Variants in RSAD2 observed in about 807,000 individuals in gnomAD.
RSAD2 encodes the protein S-adenosylmethionine-dependent nucleotide dehydratase RSAD2.
A neutral mutation model predicts 37.7 loss-of-function variants in RSAD2; 38 were observed. The observed-to-expected ratio is 1.01, with a 90% CI of 0.78 to 1.32. The LOEUF (loss-of-function observed/expected upper bound fraction) is 1.32. Ranked by LOEUF, RSAD2 falls within the 40% of genes most tolerant of loss-of-function variation. The pLI is 0.00. For synonymous variants in RSAD2, 163 were observed against 157.4 expected (o/e 1.04, Z -0.27); for missense variants, 428 against 437.5 (o/e 0.98, Z 0.19).
At chr2:6,874,502 G>C (rs1054466409), upstream of RSAD2, among the ~76,000 whole-genome samples, 4 of 152,138 alleles carry the variant, frequency 2.6e-5, no homozygotes, top group Non-Finnish European at 4.4e-5. Flanking sequence ...TCTCATCAGA[G>C]TTTTGATCAT....
At chr2:6,869,231 C>T (rs1401265411) in intron 1 of RSAD2, among the ~76,000 whole-genome samples, 1 of 152,152 alleles carries the variant, frequency 6.6e-6, no homozygotes, top group African/African-American at 2.4e-5. Flanking sequence ...CACCTTTTTC[C>T]TATTGTTCTT....
chr2:6,880,744 T>C (rs1173785023), intron 1 of RSAD2, among the ~76,000 whole-genome samples: 3 of 152,150 alleles, frequency 2.0e-5, no homozygotes, highest in African/African-American at 7.2e-5. Context: ...GTGGTGTTTG[T>C]CTGAGATGAT....
intron 3 of RSAD2, among the ~76,000 whole-genome samples, chr2:6,887,686 C>G (rs1207674213): frequency 1.3e-5 from 2 of 152,208 alleles, no homozygotes; most frequent in African/African-American, 4.8e-5. Context: ...ATATGCAGCT[C>G]CCACTCTGTG....
At chr2:6,891,438 A>AG (rs1663626278) in intron 4 of RSAD2, among the ~76,000 whole-genome samples, 1 of 152,228 alleles carries the variant, frequency 6.6e-6, no homozygotes, top group African/African-American at 2.4e-5. Flanking sequence ...ACAGAACTAG[A>AG]GAAGTACTTA....
rs1663454251 is a variant in RSAD2, at chr2:6,883,428, A to T, written c.404A>T (p.Tyr135Phe). The T allele has an allele frequency of 1.2e-6, 2 of 1,614,050 alleles. No individual in the cohort carries two copies. Among genetic ancestry groups the T allele is most frequent in the Non-Finnish European group, 1.7e-6 (2 of 1,180,036 alleles). Reference sequence around the variant, plus strand: ...CCATTTCTTCAAGACCGGGGAGAATACCTGGGCAAGTTGGTGAGGTTCTGC... The same window carrying T: ...CCATTTCTTCAAGACCGGGGAGAATTCCTGGGCAAGTTGGTGAGGTTCTGC... ...GEPFLQDRGE[Y>F]LGKLVRFCKV... is the part of the protein sequence containing the mutation. Residue 135 changes from tyrosine (Y) to phenylalanine (F), a missense_variant, in exon 2 of 6, where the codon TAC becomes TTC. Tyr to Phe is a conservative substitution (Grantham distance 22, BLOSUM62 3). Transcript: ENST00000382040.
At chr2:6,885,970 A>C (rs1221298897) in intron 2 of RSAD2, among the ~76,000 whole-genome samples, 3 of 152,258 alleles carry the variant, frequency 2.0e-5, no homozygotes, top group Non-Finnish European at 4.4e-5. Flanking sequence ...CATACGGATA[A>C]AATAAAATTA....
At chr2:6,888,147 A>G (rs1663559496) in intron 3 of RSAD2, among the ~76,000 whole-genome samples, 2 of 152,204 alleles carry the variant, frequency 1.3e-5, no homozygotes, top group South Asian at 4.1e-4. Flanking sequence ...TTTTCCTTCA[A>G]AGCTGCCTTG....
intron 4 of RSAD2, among the ~76,000 whole-genome samples, chr2:6,891,217 A>G (rs577543122): frequency 6.6e-6 from 1 of 152,298 alleles, no homozygotes; most frequent in South Asian, 2.1e-4. Flanking sequence ...ATGGTGAATA[A>G]ACATTTTAAG....
intron 1 of RSAD2, among the ~76,000 whole-genome samples, chr2:6,870,073 T>C (rs181016691): frequency 4.6e-5 from 7 of 152,340 alleles, no homozygotes; most frequent in East Asian, 1.9e-4. Context: ...ATATACCTGA[T>C]TGGGACCCTA....
intron 1 of RSAD2, chr2:6,879,063 AAC>A (rs1558334378): frequency 4.4e-6 from 2 of 456,274 alleles, no homozygotes; most frequent in Non-Finnish European, 8.8e-6. Flanking sequence ...CTGGACTTCT[AAC>A]ACACAGATTC....
At chr2:6,880,683 G>A (rs1249336544) in intron 1 of RSAD2, among the ~76,000 whole-genome samples, 1 of 152,082 alleles carries the variant, frequency 6.6e-6, no homozygotes, top group Admixed American at 6.5e-5. Flanking sequence ...TAGAAGATAA[G>A]TGATTTCCTT....
At chr2:6,865,984 G>T (rs925431329) in exon 1 of RSAD2, 1 of 869,478 alleles carries the variant, frequency 1.2e-6, no homozygotes, top group Non-Finnish European at 1.6e-6. Context: ...GGGCCTGCGC[G>T]GTCCCCAGGC....
upstream of RSAD2, among the ~76,000 whole-genome samples, chr2:6,874,185 C>T (rs1663245459): frequency 6.6e-6 from 1 of 152,076 alleles, no homozygotes; most frequent in Non-Finnish European, 1.5e-5. Flanking sequence ...CATCTTCTCC[C>T]CCTTTTCCTT....
intron 2 of RSAD2, among the ~76,000 whole-genome samples, chr2:6,885,405 A>T (rs1427707456): frequency 1.3e-5 from 2 of 152,228 alleles, no homozygotes; most frequent in Non-Finnish European, 2.9e-5. Flanking sequence ...GAAATCATGG[A>T]TCTTGTTAAA....
rs1439502127 is a variant in RSAD2, at chr2:6,890,323, A to T, written c.886A>T (p.Lys296Ter). The change falls in exon 4 of 6, where the codon AAG becomes TAG. Residue 296 changes from lysine (K) to a stop codon, truncating the protein, a stop_gained and splice_region_variant. Coordinates refer to ENST00000382040, the MANE Select transcript of RSAD2 (RefSeq NM_080657.5). LOFTEE classifies it high-confidence loss of function. The part of the protein sequence containing the change: ...VSCLVPESNQ[K>*]MKDSYLILDE... ...CTGCTTGGTGCCTGAATCTAACCAGAAGGTTGTATAAAGCAAAAGTTGTTT... is the reference window on the plus strand; with the variant it reads ...CTGCTTGGTGCCTGAATCTAACCAGTAGGTTGTATAAAGCAAAAGTTGTTT... 1.2e-6 allele frequency: 2 copies of T among 1,613,576 alleles called. No homozygotes were observed. Among genetic ancestry groups the T allele is most frequent in the South Asian group, 2.2e-5 (2 of 91,038 alleles).
exon 1 of RSAD2, chr2:6,866,000 C>T: frequency 1.5e-6 from 1 of 663,962 alleles, no homozygotes; most frequent in Non-Finnish European, 2.2e-6. Flanking sequence ...CAGGCGCCGG[C>T]TCCCGGGGCT....
intron 1 of RSAD2, among the ~76,000 whole-genome samples, chr2:6,880,121 G>A (rs1463235423): frequency 6.6e-6 from 1 of 152,110 alleles, no homozygotes; most frequent in Non-Finnish European, 1.5e-5. Flanking sequence ...TAAAACAAAA[G>A]TTAATTGAAA....
At chr2:6,874,116 G>A (rs932215584), upstream of RSAD2, among the ~76,000 whole-genome samples, 4 of 152,120 alleles carry the variant, frequency 2.6e-5, no homozygotes, top group African/African-American at 9.7e-5. Context: ...TTAAAAGTGT[G>A]TAGCGCCTCC....
intron 1 of RSAD2, 152 bp from the exon 2 acceptor site, chr2:6,883,219 G>T: frequency 1.4e-6 from 1 of 731,546 alleles, no homozygotes. Context: ...ATTCCCATTG[G>T]GTGGGATTGG....
Sources: gnomAD v4.1 joint callset for allele counts (sites outside exome capture counted in the v4.1 genomes callset) on GRCh38, gnomAD v4.1.1 for gene constraint, MANE v1.5 for transcripts, NCBI Gene and HGNC (gene_info 2026-07-23, HGNC 2026-07-21) for gene names.